The following CACNB3 variants were observed in gnomAD, a reference collection of about 807,000 sequenced individuals.
CACNB3 encodes voltage-dependent L-type calcium channel subunit beta-3.
CACNB3 carries 36 observed loss-of-function variants against 63.7 expected under a neutral mutation model. The ratio of observed to expected loss-of-function variants is 0.57; its 90% CI spans 0.43 to 0.75. The LOEUF is 0.75. CACNB3 is among the 30% of genes least tolerant of loss of function. The probability of loss-of-function intolerance (pLI) is 0.00; values close to 1 mark genes in which losing one functional copy is unlikely to be tolerated. For synonymous variants in CACNB3, 241 were observed against 250.6 expected (o/e 0.96, Z 0.36); for missense variants, 493 against 648.6 (o/e 0.76, Z 2.61).
upstream of CACNB3, chr12:48,815,830 C>A: frequency 2.5e-6 from 2 of 813,792 alleles, no homozygotes. Flanking sequence ...TTGGGGGAGA[C>A]TGCACCGATG....
At position 48,827,634 on chromosome 12, in the gene CACNB3, G is replaced by A. The variant is rs374969801; in HGVS notation, c.1190G>A (p.Arg397Gln). The A allele has an allele frequency of 9.5e-5, 153 of 1,613,560 alleles. No homozygotes were observed. The highest frequency in any genetic ancestry group is 6.0e-4 in the East Asian group (27 of 44,886). The change falls in exon 13 of 13, where the codon CGG becomes CAG. Residue 397 changes from arginine to glutamine, a missense_variant. Arg to Gln is a conservative substitution (Grantham distance 43). Coordinates refer to ENST00000301050, the MANE Select transcript of CACNB3 (RefSeq NM_000725.4). ...GGCGAGGAGCACTCCCCCCTTGAGCGGGACAGCTTGATGCCCTCTGATGAG... is the reference window on the plus strand; with the variant it reads ...GGCGAGGAGCACTCCCCCCTTGAGCAGGACAGCTTGATGCCCTCTGATGAG... The part of the protein sequence containing the change: ...ERGEEHSPLE[R>Q]DSLMPSDEAS...
chr12:48,815,385 C>G (rs951779844), upstream of CACNB3: 7 of 483,654 alleles, frequency 1.4e-5, no homozygotes, highest in African/African-American at 1.2e-4. Flanking sequence ...GGGAGGCACA[C>G]GGAAAAACAG....
In CACNB3 at chr12:48,823,651, C is replaced by T. The variant is rs771528377; in HGVS notation, c.169-30C>T. 17 of 1,613,984 alleles carry T rather than the reference C, an allele frequency of 1.1e-5. No individual in the cohort carries two copies. In the South Asian group the frequency reaches 1.6e-4, roughly 16 times the overall value. On this transcript the variant is annotated intron_variant, in intron 2 of 12. Transcript: ENST00000301050. This position sits in a 1 kb window ranked among gnomAD's most constrained non-coding sequence, Gnocchi z 4.2. ...CTGGAAGGGGTGCTTCGAGCCTTCT[C>T]TCACTTGCACTAATGGGCAAATTCT... is the stretch of plus-strand genomic sequence containing the variant.
intron 12 of CACNB3, 78 bp downstream of exon 12, chr12:48,827,201 T>C: frequency 6.5e-7 from 1 of 1,533,008 alleles, no homozygotes; most frequent in Admixed American, 1.8e-5. Context: ...AGGACTGTCC[T>C]TGGCCTCCAG....
At position 48,825,367 on chromosome 12, in the gene CACNB3, G is replaced by C. The variant is rs1938071983; in HGVS notation, c.574-67G>C. ...TGTGTATGTGGAGCGCATTGACTCT[G>C]GGGCCATGCATGGGGAGGCTGCTTC... On this transcript the variant is annotated intron_variant, in intron 7 of 12. Coordinates refer to ENST00000301050, the MANE Select transcript of CACNB3 (RefSeq NM_000725.4). This position sits in a 1 kb window ranked among gnomAD's most constrained non-coding sequence, Gnocchi z 4.5. 6 of 1,590,142 alleles carry C rather than the reference G, an allele frequency of 3.8e-6. No individual in the cohort carries two copies. In the South Asian group the frequency reaches 6.6e-5, roughly 18 times the overall value.
At chr12:48,817,996 T>C (rs576607546), upstream of CACNB3, 2 of 152,288 alleles carry the variant, frequency 1.3e-5, no homozygotes, top group African/African-American at 4.8e-5. Flanking sequence ...CACGGAAAGT[T>C]CCCCCCTTCT....
In CACNB3 at chr12:48,823,206, G is replaced by A. The variant is rs1000796469; in HGVS notation, c.46-138G>A. 4 of 1,064,152 alleles carry A rather than the reference G, an allele frequency of 3.8e-6. No homozygotes were observed. In the African/African-American group the frequency reaches 4.8e-5, roughly 13 times the overall value. The allele number at this position is 1,064,152 out of a possible 1,614,324, so 65.9% of individuals were successfully genotyped here. On this transcript the variant is annotated intron_variant, in intron 1 of 12. Transcript: ENST00000301050. The surrounding 1 kb of genome is among the most constrained non-coding windows in gnomAD (Gnocchi z 4.2). ...CTGGGGCCCTTCTCAGGGGATAGGA[G>A]GGGCCATAGGGACCCAGCTATCCCC...
chr12:48,819,115 G>C, intron 1 of CACNB3, 141 bp downstream of exon 1: 1 of 898,796 alleles, frequency 1.1e-6, no homozygotes, highest in South Asian at 1.7e-5. Flanking sequence ...AGAACGTGGG[G>C]AGATGGATTT....
chr12:48,827,161 C>T (rs549117939), intron 12 of CACNB3, 38 bp downstream of exon 12: 2 of 1,605,920 alleles, frequency 1.2e-6, no homozygotes, highest in South Asian at 1.1e-5. Context: ...TCAAGCTAAG[C>T]CAGCCAAGGC....
chr12:48,825,403 G>T lies in CACNB3; in HGVS notation c.574-31G>T, dbSNP rs746984571. The T allele has an allele frequency of 6.2e-7, 1 of 1,613,314 alleles. No homozygotes were observed. Among genetic ancestry groups the T allele is most frequent in the Non-Finnish European group, 8.5e-7 (1 of 1,179,324 alleles). On this transcript the variant is annotated intron_variant, in intron 7 of 12. Transcript: ENST00000301050. The surrounding 1 kb of genome is among the most constrained non-coding windows in gnomAD (Gnocchi z 4.5). ...TGGGGAGGCTGCTTCTCTCCAAAGGGGCCCTTCATCAGTGCCATGCCTTCC... is the reference window on the plus strand; with the variant it reads ...TGGGGAGGCTGCTTCTCTCCAAAGGTGCCCTTCATCAGTGCCATGCCTTCC...
intron 4 of CACNB3, 131 bp from the exon 5 acceptor site, chr12:48,824,538 C>A (rs1938023284): frequency 1.9e-6 from 2 of 1,049,854 alleles, no homozygotes; most frequent in South Asian, 3.0e-5. Flanking sequence ...AACACACACA[C>A]ATATTGCATG....
Position 48,828,410 on chromosome 12 carries a change from C to T in CACNB3, c.*511C>T, listed in dbSNP as rs1459246832. The T allele has an allele frequency of 3.0e-6, 1 of 329,048 alleles. No individual in the cohort carries two copies. Among genetic ancestry groups the T allele is most frequent in the Non-Finnish European group, 6.0e-6 (1 of 166,150 alleles). The allele number at this position is 329,048 out of a possible 1,614,324, so 20.4% of individuals were successfully genotyped here. A position where few individuals can be genotyped will look rare whatever the true frequency, so the allele number is the denominator to read the frequency against. On this transcript the variant is annotated 3_prime_UTR_variant, in exon 13 of 13. Transcript: ENST00000301050. Reference sequence around the variant, plus strand: ...TACATTAGAAATGAGACAATCAAAGCCCCCCCAGGGTGGCACACCCATCTG... The same window carrying T: ...TACATTAGAAATGAGACAATCAAAGTCCCCCCAGGGTGGCACACCCATCTG...
chr12:48,825,392 C>G lies in CACNB3; in HGVS notation c.574-42C>G. On this transcript the variant is annotated intron_variant, in intron 7 of 12. Coordinates refer to ENST00000301050, the MANE Select transcript of CACNB3 (RefSeq NM_000725.4). This position sits in a 1 kb window ranked among gnomAD's most constrained non-coding sequence, Gnocchi z 4.5. The stretch of plus-strand genomic sequence containing the variant: ...GGGGCCATGCATGGGGAGGCTGCTT[C>G]TCTCCAAAGGGGCCCTTCATCAGTG... 6.2e-7 allele frequency: 1 copy of G among 1,611,316 alleles called. No homozygotes were observed. The highest frequency in any genetic ancestry group is 2.2e-5 in the East Asian group (1 of 44,850).
At position 48,826,712 on chromosome 12, in the gene CACNB3, C is replaced by T. The variant is rs754471998; in HGVS notation, c.895-47C>T. The T allele has an allele frequency of 6.5e-7, 1 of 1,539,068 alleles. No individual in the cohort carries two copies. Among genetic ancestry groups the T allele is most frequent in the Non-Finnish European group, 9.0e-7 (1 of 1,111,984 alleles). ...TAGCTCTGCCCGGGCTCAGCTCTGC[C>T]CAGAGTCCTGAGAGACTCCAGGCCT... On this transcript the variant is annotated intron_variant, in intron 10 of 12. Transcript: ENST00000301050. This position sits in a 1 kb window ranked among gnomAD's most constrained non-coding sequence, Gnocchi z 4.8.
intron 1 of CACNB3, 63 bp downstream of exon 1, chr12:48,819,037 C>A: frequency 9.1e-6 from 14 of 1,539,752 alleles, no homozygotes; most frequent in Non-Finnish European, 1.2e-5. Context: ...TCCCTTCAAC[C>A]CTTTCCCCGG....
chr12:48,819,659 AGCGG>A, intron 1 of CACNB3: 1 of 455,718 alleles, frequency 2.2e-6, no homozygotes, highest in Non-Finnish European at 4.4e-6. Flanking sequence ...CTTCCTCTGC[AGCGG>A]GCATCCTGAG....
rs1937642686 is a variant in CACNB3 at position 48,818,519 on chromosome 12, C to T, written c.-411C>T. The T allele has an allele frequency of 9.9e-7, 1 of 1,012,438 alleles. No individual in the cohort carries two copies. Among genetic ancestry groups the T allele is most frequent in the South Asian group, 4.2e-5 (1 of 23,692 alleles). 62.7% of individuals were successfully genotyped at this position (1,012,438 alleles called of 1,614,324 possible). The stretch of plus-strand genomic sequence containing the variant: ...CTCCCCTTCCTCCCCGCCGCCACGG[C>T]CCCGTAGGTGCTCGGGGACCCACCT... On this transcript the variant is annotated 5_prime_UTR_variant, in exon 1 of 13. Coordinates refer to ENST00000301050, the MANE Select transcript of CACNB3 (RefSeq NM_000725.4). The surrounding 1 kb of genome is among the most constrained non-coding windows in gnomAD (Gnocchi z 4.3).
In CACNB3 at chr12:48,825,754, G is replaced by A. The variant is rs1317239346; in HGVS notation, c.727G>A (p.Ala243Thr). 1 of 1,613,362 alleles carries A rather than the reference G, an allele frequency of 6.2e-7. No homozygotes were observed. Among genetic ancestry groups the A allele is most frequent in the Non-Finnish European group, 8.5e-7 (1 of 1,179,476 alleles). ...GAGGACCATCATTGAGCGCTCCTCT[G>A]CCCGCTCCAGCATTGGTGAGAAGTC... ...GKRTIIERSS[A>T]RSSIAEVQSE... Residue 243 changes from alanine (A) to threonine (T), a missense_variant, in exon 9 of 13, where the codon GCC (alanine) becomes ACC (threonine). Physicochemically the swap from Ala to Thr is moderately conservative, Grantham distance 58. Coordinates refer to ENST00000301050, the MANE Select transcript of CACNB3 (RefSeq NM_000725.4). The surrounding 1 kb of genome is among the most constrained non-coding windows in gnomAD (Gnocchi z 4.5).
At chr12:48,821,933 G>T (rs1937870454) in intron 1 of CACNB3, among the ~76,000 whole-genome samples, 1 of 152,196 alleles carries the variant, frequency 6.6e-6, no homozygotes, top group African/African-American at 2.4e-5. Context: ...GAGAGCCTGG[G>T]CTGACCCCTA....
Sources: allele counts gnomAD v4.1 joint callset (sites outside exome capture counted in the v4.1 genomes callset), GRCh38; gene constraint gnomAD v4.1.1; non-coding constraint Gnocchi (gnomAD v3.1); transcripts MANE v1.5; gene names NCBI Gene and HGNC (gene_info 2026-07-23, HGNC 2026-07-21).